Variants in PDE10A observed in about 807,000 individuals in gnomAD.
PDE10A encodes cAMP and cAMP-inhibited cGMP 3',5'-cyclic phosphodiesterase 10A.
In PDE10A, 39 loss-of-function variants were observed where a neutral mutation model predicts 97.7. That is an observed-to-expected ratio of 0.40 (90% CI 0.31 to 0.52). PDE10A has a LOEUF of 0.52. Among genes scored for constraint, PDE10A ranks in the 20% least tolerant of loss-of-function variants. The pLI is 0.56. For synonymous variants in PDE10A, 371 were observed against 376.8 expected (o/e 0.98, Z 0.18); for missense variants, 731 against 1,047.8 (o/e 0.70, Z 4.17).
At chr6:165,413,757 C>A in intron 12 of PDE10A, 70 bp from the exon 13 acceptor site, 2 of 1,246,996 alleles carry the variant, frequency 1.6e-6, no homozygotes, top group Non-Finnish European at 1.1e-6. Context: ...CACAGTCAGT[C>A]ATAAATCTCC....
chr6:165,451,731 C>T (rs1048146991), intron 3 of PDE10A, among the ~76,000 whole-genome samples: 3 of 152,154 alleles, frequency 2.0e-5, no homozygotes, highest in African/African-American at 7.2e-5. Flanking sequence ...TACCACTGAC[C>T]ATCCTGACAA....
intron 3 of PDE10A, among the ~76,000 whole-genome samples, chr6:165,471,271 C>A (rs1778986497): frequency 6.6e-6 from 1 of 152,166 alleles, no homozygotes; most frequent in South Asian, 2.1e-4. Context: ...TCTACTTCTT[C>A]CTCCCTTAGA....
At chr6:165,384,113 A>G (rs1431092410) in intron 17 of PDE10A, among the ~76,000 whole-genome samples, 4 of 152,182 alleles carry the variant, frequency 2.6e-5, no homozygotes, top group African/African-American at 9.7e-5. Flanking sequence ...TAAACAGGAG[A>G]AAAACATATT....
chr6:165,400,351 G>C (rs1419187108), intron 13 of PDE10A, among the ~76,000 whole-genome samples: 1 of 152,058 alleles, frequency 6.6e-6, no homozygotes, highest in Non-Finnish European at 1.5e-5. Flanking sequence ...GACTTCTTCA[G>C]AGTTTAAAAC....
At chr6:165,870,536 A>T (rs143424750) in intron 1 of PDE10A, among the ~76,000 whole-genome samples, 3,952 of 152,286 alleles carry the variant, frequency 0.026, 71 homozygotes, top group South Asian at 0.11. Context: ...CATATAGAAA[A>T]CAATATGAAA....
chr6:165,954,124 C>T (rs780530243), intron 1 of PDE10A, among the ~76,000 whole-genome samples: 2 of 152,198 alleles, frequency 1.3e-5, no homozygotes, highest in African/African-American at 2.4e-5. Context: ...CTGTGTGGAA[C>T]GACCACAGTT....
intron 1 of PDE10A, among the ~76,000 whole-genome samples, chr6:165,856,500 G>A (rs1290548397): frequency 6.6e-6 from 1 of 152,182 alleles, no homozygotes. Flanking sequence ...TGTCGTCCAT[G>A]AAGGCTTTGT....
chr6:165,477,941 A>G (rs1779385631), intron 3 of PDE10A, among the ~76,000 whole-genome samples: 1 of 152,078 alleles, frequency 6.6e-6, no homozygotes, highest in Admixed American at 6.6e-5. Context: ...CCACCACTCA[A>G]CAAGTGGAGT....
At chr6:165,359,804 T>C (rs1437347873) in intron 18 of PDE10A, among the ~76,000 whole-genome samples, 2 of 152,164 alleles carry the variant, frequency 1.3e-5, no homozygotes, top group East Asian at 1.9e-4. Flanking sequence ...CATATCTTTT[T>C]TTTTCTGTTC....
chr6:165,963,040 G>A (rs889371512), intron 1 of PDE10A, among the ~76,000 whole-genome samples: 1 of 152,158 alleles, frequency 6.6e-6, no homozygotes, highest in African/African-American at 2.4e-5. Flanking sequence ...CAGTCTATTC[G>A]GGATGGAAAT....
intron 1 of PDE10A, among the ~76,000 whole-genome samples, chr6:165,577,562 G>A (rs1562596504): frequency 1.3e-5 from 2 of 152,190 alleles, no homozygotes; most frequent in South Asian, 2.1e-4. Context: ...CCAAGGAGCT[G>A]CCAATGGGCT....
At chr6:165,423,694 C>A (rs1315567310) in intron 10 of PDE10A, among the ~76,000 whole-genome samples, 1 of 151,944 alleles carries the variant, frequency 6.6e-6, no homozygotes, top group African/African-American at 2.4e-5. Flanking sequence ...GGTGAAACCC[C>A]GTTTCTACTA....
chr6:165,503,053 AT>A (rs1780986500), intron 2 of PDE10A, among the ~76,000 whole-genome samples: 1 of 152,202 alleles, frequency 6.6e-6, no homozygotes, highest in African/African-American at 2.4e-5. Context: ...TGTCTTCTCC[AT>A]AGGCTTGAAC....
chr6:165,566,011 A>C (rs9356373), intron 1 of PDE10A, among the ~76,000 whole-genome samples: 8,658 of 152,208 alleles, frequency 0.057, 535 homozygotes, highest in East Asian at 0.32. Flanking sequence ...ATATAGATGA[A>C]CCTGGGCATG....
rs186702686 is a variant in PDE10A, at chr6:165,979,863, C to T, written c.-615+7666G>A. Among the ~76,000 whole-genome samples, 579 of 152,328 alleles carry T rather than the reference C, an allele frequency of 3.8e-3. 3 individuals carry two copies. The highest frequency in any genetic ancestry group is 8.2e-3 in the Admixed American group (125 of 15,306). ...ATACATATACCAATTACAATTCTCA[C>T]AAATCTCCTCAGAAAGAACATTCAT... On this transcript the variant is annotated intron_variant, in intron 1 of 19. Transcript: ENST00000366882.
intron 1 of PDE10A, among the ~76,000 whole-genome samples, chr6:165,550,536 T>C (rs984987100): frequency 6.6e-6 from 1 of 152,168 alleles, no homozygotes; most frequent in African/African-American, 2.4e-5. Flanking sequence ...GCATGTCATA[T>C]GAGGAATGGG....
chr6:165,891,521 G>T (rs1781794558), intron 1 of PDE10A, among the ~76,000 whole-genome samples: 1 of 152,104 alleles, frequency 6.6e-6, no homozygotes, highest in East Asian at 1.9e-4. Context: ...CAGGGTCTCT[G>T]ATGGGGCCCT....
At chr6:165,960,646 G>T (rs1366082339) in intron 1 of PDE10A, among the ~76,000 whole-genome samples, 1 of 152,244 alleles carries the variant, frequency 6.6e-6, no homozygotes, top group Admixed American at 6.5e-5. Context: ...GATGTCAGCA[G>T]TTAGCGCAGA....
intron 1 of PDE10A, among the ~76,000 whole-genome samples, chr6:165,713,989 T>G (rs562234463): frequency 6.6e-6 from 1 of 152,296 alleles, no homozygotes; most frequent in Non-Finnish European, 1.5e-5. Flanking sequence ...TGAGGTGTGG[T>G]TGATGCATAC....
Sources: allele counts gnomAD v4.1 joint callset (sites outside exome capture counted in the v4.1 genomes callset), GRCh38; gene constraint gnomAD v4.1.1; transcripts MANE v1.5; gene names NCBI Gene and HGNC (gene_info 2026-07-23, HGNC 2026-07-21).